The following DPP6 variants were observed in gnomAD, a reference collection of about 807,000 sequenced individuals.
DPP6 encodes dipeptidyl peptidase like 6, also known as A-type potassium channel modulatory protein DPP6.
A neutral mutation model predicts 122.6 loss-of-function variants in DPP6; 69 were observed. The ratio of observed to expected loss-of-function variants is 0.56; its 90% CI spans 0.46 to 0.69. The LOEUF (loss-of-function observed/expected upper bound fraction) is 0.69, where lower values mean the gene tolerates loss of function less well. DPP6 is among the 30% of genes least tolerant of loss of function. The pLI is 0.00. For synonymous variants in DPP6, 418 were observed against 433.1 expected, an observed-to-expected ratio of 0.97 and a Z score of 0.43; for missense variants, 928 against 1,116.9, an observed-to-expected ratio of 0.83 and a Z score of 2.41.
the DPP6 span, among the ~76,000 whole-genome samples, chr7:153,798,386 C>T: frequency 6.6e-6 from 1 of 152,168 alleles, no homozygotes; most frequent in African/African-American, 2.4e-5. Flanking sequence ...TCTACCATCC[C>T]CCAGCTGATT....
At chr7:154,566,784 A>G in intron 4 of DPP6, 58 bp from the exon 5 acceptor site, 1 of 979,910 alleles carries the variant, frequency 1.0e-6, no homozygotes, top group Non-Finnish European at 1.5e-6. Flanking sequence ...ATTTTATTAT[A>G]AGATTCTGAC....
chr7:153,865,787 T>G, the DPP6 span, among the ~76,000 whole-genome samples: 1 of 151,682 alleles, frequency 6.6e-6, no homozygotes, highest in South Asian at 2.1e-4. Flanking sequence ...TATCTCCTAA[T>G]GCTATCCTTC....
chr7:153,983,128 T>C (rs1313162100), intron 1 of DPP6, among the ~76,000 whole-genome samples: 1 of 152,260 alleles, frequency 6.6e-6, no homozygotes, highest in Non-Finnish European at 1.5e-5. Flanking sequence ...CGTTTAATTC[T>C]GCTGAAGCTG....
chr7:153,941,111 A>G (rs961278434), intron 1 of DPP6, among the ~76,000 whole-genome samples: 2 of 152,202 alleles, frequency 1.3e-5, no homozygotes, highest in African/African-American at 4.8e-5. Flanking sequence ...GGTTAGAGAA[A>G]TGTGCATTGC....
chr7:153,754,068 G>A, the DPP6 span, among the ~76,000 whole-genome samples: 2 of 152,086 alleles, frequency 1.3e-5, no homozygotes, highest in East Asian at 1.9e-4. Context: ...CCAGCTCTAG[G>A]TATTACACTT....
At position 154,877,776 on chromosome 7, in the gene DPP6, C is replaced by T. The variant is rs1053394583; in HGVS notation, c.2078+1676C>T. On this transcript the variant is annotated intron_variant, in intron 20 of 25. Coordinates refer to ENST00000377770, the MANE Select transcript of DPP6 (RefSeq NM_130797.4). This position sits in a 1 kb window ranked among gnomAD's most constrained non-coding sequence, Gnocchi z 5.2. Reference sequence around the variant, plus strand: ...ATTCCAGAACCTGCCACCAGTGAGACAGGTGCAGGCAGCCCCCCCAGAGAC... The same window carrying T: ...ATTCCAGAACCTGCCACCAGTGAGATAGGTGCAGGCAGCCCCCCCAGAGAC... Among the ~76,000 whole-genome samples the T allele has an allele frequency of 8.5e-5, 13 of 152,216 alleles. No individual in the cohort carries two copies. The highest frequency in any genetic ancestry group is 3.1e-4 in the African/African-American group (13 of 41,452).
At position 154,860,338 on chromosome 7, in the gene DPP6, G is replaced by A. The variant is rs549143274; in HGVS notation, c.1714+6511G>A. On this transcript the variant is annotated intron_variant, in intron 17 of 25. Transcript: ENST00000377770. The stretch of plus-strand genomic sequence containing the variant: ...CCCACATGTCACTGTCACGCTACAC[G>A]CCAAGGAGTTTGCCCGCCATCCTGC... Among the ~76,000 whole-genome samples the A allele has an allele frequency of 9.2e-5, 14 of 152,282 alleles. No individual in the cohort carries two copies. The South Asian group carries it at 1.5e-3, about 16-fold the overall frequency.
intron 8 of DPP6, among the ~76,000 whole-genome samples, chr7:154,746,736 T>C (rs1843054218): frequency 6.6e-6 from 1 of 152,178 alleles, no homozygotes; most frequent in African/African-American, 2.4e-5. Context: ...TGCTTTTCAC[T>C]ATAAAAAGAA....
At chr7:154,041,316 AAAT>A (rs1199207120) in intron 1 of DPP6, among the ~76,000 whole-genome samples, 20 of 152,358 alleles carry the variant, frequency 1.3e-4, no homozygotes, top group African/African-American at 4.6e-4. Context: ...GGACAATAAC[AAAT>A]AATCAGGTGG....
chr7:154,787,848 G>A (rs1363575176), intron 10 of DPP6, among the ~76,000 whole-genome samples: 1 of 152,078 alleles, frequency 6.6e-6, no homozygotes, highest in Non-Finnish European at 1.5e-5. Context: ...CAGAAACATA[G>A]GTGTTTCTAT....
chr7:154,166,852 A>C (rs1159653903), intron 1 of DPP6, among the ~76,000 whole-genome samples: 1 of 148,798 alleles, frequency 6.7e-6, no homozygotes, highest in African/African-American at 2.6e-5. Context: ...CGGAGGTTGC[A>C]GTGAGCTGAG....
chr7:153,818,410 G>C, the DPP6 span, among the ~76,000 whole-genome samples: 1 of 151,898 alleles, frequency 6.6e-6, no homozygotes, highest in South Asian at 2.1e-4. Context: ...CTGCAGCATT[G>C]TTTGTAAAAG....
chr7:154,689,566 C>T (rs545165564), intron 7 of DPP6, among the ~76,000 whole-genome samples: 1 of 151,986 alleles, frequency 6.6e-6, no homozygotes, highest in Non-Finnish European at 1.5e-5. Context: ...ATTTTTTTAA[C>T]ATATTTTCTT....
At chr7:154,773,083 C>T in intron 10 of DPP6, 141 bp downstream of exon 10, 1 of 1,162,388 alleles carries the variant, frequency 8.6e-7, no homozygotes, top group Non-Finnish European at 1.1e-6. Flanking sequence ...AAGATTTCCT[C>T]ACTGCTTTAT....
chr7:154,061,981 T>C, intron 1 of DPP6, among the ~76,000 whole-genome samples: 1 of 104,566 alleles, frequency 9.6e-6, no homozygotes. Context: ...AGCTATCCCC[T>C]CTTCCGCCCC....
intron 3 of DPP6, among the ~76,000 whole-genome samples, chr7:154,490,771 TG>T (rs1456428877): frequency 4.6e-5 from 7 of 152,344 alleles, no homozygotes; most frequent in Non-Finnish European, 8.8e-5. Flanking sequence ...TGCCGAGTTC[TG>T]AGTCAGGAAT....
intron 1 of DPP6, among the ~76,000 whole-genome samples, chr7:153,939,455 G>A (rs1186384490): frequency 1.3e-5 from 2 of 152,296 alleles, no homozygotes; most frequent in South Asian, 2.1e-4. Context: ...AAAGTCAGAC[G>A]TTAAACCAAC....
intron 7 of DPP6, among the ~76,000 whole-genome samples, chr7:154,701,624 T>G (rs1249240400): frequency 6.6e-6 from 1 of 152,196 alleles, no homozygotes; most frequent in South Asian, 2.1e-4. Flanking sequence ...ATTGCTTCAC[T>G]CACCAGATCA....
At chr7:154,172,410 C>T (rs1420881690) in intron 1 of DPP6, among the ~76,000 whole-genome samples, 5 of 152,130 alleles carry the variant, frequency 3.3e-5, no homozygotes, top group Non-Finnish European at 5.9e-5. Context: ...GAAAACATTC[C>T]AGCAAGAGAG....
Sources: allele counts gnomAD v4.1 joint callset (sites outside exome capture counted in the v4.1 genomes callset), GRCh38; gene constraint gnomAD v4.1.1; non-coding constraint Gnocchi (gnomAD v3.1); transcripts MANE v1.5; gene names NCBI Gene and HGNC (gene_info 2026-07-23, HGNC 2026-07-21).